The following TCF4 variants were observed in gnomAD, a reference collection of about 807,000 sequenced individuals.
The protein encoded by TCF4 is transcription factor 4.
Under a neutral mutation model 82.1 loss-of-function variants are expected in TCF4, and 3 were observed. That is an observed-to-expected ratio of 0.04 (90% CI 0.02 to 0.09). TCF4 has a LOEUF of 0.09. Ranked by LOEUF, TCF4 falls within the 10% of genes least tolerant of loss-of-function variation. TCF4 has a pLI of 1.00. For missense variants in TCF4, 518 were observed against 852.7 expected, an observed-to-expected ratio of 0.61 and a Z score of 4.89; for synonymous variants, 276 against 309.6, an observed-to-expected ratio of 0.89 and a Z score of 1.14.
intron 8 of TCF4, among the ~76,000 whole-genome samples, chr18:55,328,574 C>T (rs1272834632): frequency 2.0e-5 from 3 of 152,142 alleles, no homozygotes; most frequent in Non-Finnish European, 4.4e-5. Context: ...AGCGAGCTTA[C>T]CACAATCACC....
intron 5 of TCF4, among the ~76,000 whole-genome samples, chr18:55,446,069 T>A (rs1367712246): frequency 6.6e-6 from 1 of 152,108 alleles, no homozygotes; most frequent in Non-Finnish European, 1.5e-5. Context: ...CTGGTAATGT[T>A]TTTCCCCCTT....
intron 8 of TCF4, among the ~76,000 whole-genome samples, chr18:55,310,305 T>G (rs558494590): frequency 6.6e-6 from 1 of 152,320 alleles, no homozygotes; most frequent in East Asian, 1.9e-4. Context: ...ACCAAAGATA[T>G]ACTGCAAATC....
At chr18:55,548,487 T>C (rs893630168) in intron 3 of TCF4, among the ~76,000 whole-genome samples, 1 of 152,006 alleles carries the variant, frequency 6.6e-6, no homozygotes, top group Non-Finnish European at 1.5e-5. Flanking sequence ...AGGATATCTT[T>C]TTTTTTTAAC....
In TCF4 at chr18:55,631,296, A is replaced by G. The variant is rs1336516527; in HGVS notation, c.286+2T>C. On this transcript the variant is annotated splice_donor_variant, in intron 2 of 20. Transcript: ENST00000398339. LOFTEE classifies it high-confidence loss of function. Reference sequence around the variant, plus strand: ...ACACCTGACCTCAGGTGATCCACCTACCTTGGCCTCCCAAAGTGCTGGGAT... The same window carrying G: ...ACACCTGACCTCAGGTGATCCACCTGCCTTGGCCTCCCAAAGTGCTGGGAT... The G allele has an allele frequency of 7.1e-7, 1 of 1,399,418 alleles. No homozygotes were observed. The highest frequency in any genetic ancestry group is 1.3e-5 in the South Asian group (1 of 79,540). 86.7% of individuals were successfully genotyped at this position (1,399,418 alleles called of 1,614,324 possible). A position where few individuals can be genotyped will look rare whatever the true frequency, so the allele number is the denominator to read the frequency against.
chr18:55,440,372 T>C (rs554048534), intron 5 of TCF4, among the ~76,000 whole-genome samples: 1 of 152,346 alleles, frequency 6.6e-6, no homozygotes, highest in African/African-American at 2.4e-5. Flanking sequence ...TTATTCATTT[T>C]CTTCTTCTCA....
chr18:55,315,768 A>T (rs1403515788), intron 8 of TCF4, among the ~76,000 whole-genome samples: 1 of 152,176 alleles, frequency 6.6e-6, no homozygotes, highest in East Asian at 1.9e-4. Flanking sequence ...TTCCAAGTAT[A>T]ACTTTCAGTA....
intron 3 of TCF4, among the ~76,000 whole-genome samples, chr18:55,566,535 G>A (rs2097408704): frequency 1.3e-5 from 2 of 152,066 alleles, no homozygotes; most frequent in South Asian, 4.1e-4. Context: ...AAAATTAGTA[G>A]GCATAATTTA....
At chr18:55,291,946 A>ACTT (rs2065193820) in intron 8 of TCF4, among the ~76,000 whole-genome samples, 1 of 152,214 alleles carries the variant, frequency 6.6e-6, no homozygotes, top group Non-Finnish European at 1.5e-5. Context: ...TGAGCTAAAG[A>ACTT]AATGTAAAGG....
rs769548321 is a variant in TCF4 at position 55,516,467 on chromosome 18, C to G, written c.146-52330G>C. ...GAACCCAACCAGAAGACTGAGAGAA[C>G]GAGAGAAAGGCAGTCTGATTATGCA... On this transcript the variant is annotated intron_variant, in intron 3 of 19. Coordinates refer to ENST00000354452, the MANE Select transcript of TCF4 (RefSeq NM_001083962.2). Among the ~76,000 whole-genome samples, 3 of 151,514 alleles carry G rather than the reference C, an allele frequency of 2.0e-5. No individual in the cohort carries two copies. The South Asian group carries it at 6.2e-4, about 31-fold the overall frequency.
intron 3 of TCF4, among the ~76,000 whole-genome samples, chr18:55,500,818 T>C (rs1467921396): frequency 1.3e-5 from 2 of 152,226 alleles, no homozygotes; most frequent in East Asian, 1.9e-4. Flanking sequence ...CTCCCCCATA[T>C]GCCACTGGCT....
intron 5 of TCF4, among the ~76,000 whole-genome samples, chr18:55,453,850 G>A (rs1320306473): frequency 6.7e-6 from 1 of 149,944 alleles, no homozygotes; most frequent in Non-Finnish European, 1.5e-5. Flanking sequence ...TATAAATATA[G>A]TAATAAGTAT....
At chr18:55,628,299 A>G (rs2097728543) in intron 2 of TCF4, among the ~76,000 whole-genome samples, 1 of 152,178 alleles carries the variant, frequency 6.6e-6, no homozygotes, top group Non-Finnish European at 1.5e-5. Flanking sequence ...TGAGAGAGGC[A>G]CTGCTTTCCT....
At chr18:55,513,005 A>G (rs2096843895) in intron 3 of TCF4, among the ~76,000 whole-genome samples, 2 of 152,116 alleles carry the variant, frequency 1.3e-5, no homozygotes, top group South Asian at 4.1e-4. Flanking sequence ...TAACAAACTC[A>G]TGGTATCTTA....
chr18:55,543,962 T>A (rs1435287583), intron 3 of TCF4, among the ~76,000 whole-genome samples: 3 of 152,084 alleles, frequency 2.0e-5, no homozygotes, highest in Non-Finnish European at 4.4e-5. Flanking sequence ...TGTTGGCATA[T>A]AACCACATTT....
intron 3 of TCF4, among the ~76,000 whole-genome samples, chr18:55,522,669 GA>G (rs1038557133): frequency 1.3e-4 from 19 of 151,786 alleles, no homozygotes; most frequent in Non-Finnish European, 2.7e-4. Context: ...ATAATACATG[GA>G]AAAAAAGAGA....
At chr18:55,393,264 TGAG>T (rs894123916) in intron 6 of TCF4, among the ~76,000 whole-genome samples, 3 of 152,118 alleles carry the variant, frequency 2.0e-5, no homozygotes, top group African/African-American at 7.2e-5. Context: ...CTCAGGAGGC[TGAG>T]GAGGGAGGAT....
chr18:55,407,063 A>G (rs1210388622), intron 5 of TCF4, among the ~76,000 whole-genome samples: 1 of 152,110 alleles, frequency 6.6e-6, no homozygotes, highest in Non-Finnish European at 1.5e-5. Context: ...TTGTATGCCC[A>G]TAAAGATGGG....
intron 8 of TCF4, among the ~76,000 whole-genome samples, chr18:55,316,861 T>C (rs1445916512): frequency 6.6e-6 from 1 of 152,098 alleles, no homozygotes; most frequent in Non-Finnish European, 1.5e-5. Flanking sequence ...AGAAGGATGC[T>C]TTACCAACAC....
intron 8 of TCF4, among the ~76,000 whole-genome samples, chr18:55,304,506 A>G (rs572188274): frequency 1.3e-5 from 2 of 152,186 alleles, no homozygotes; most frequent in African/African-American, 4.8e-5. Flanking sequence ...ATGAAAAACA[A>G]TATCATGCAT....
Sources: allele counts gnomAD v4.1 joint callset (sites outside exome capture counted in the v4.1 genomes callset), GRCh38; gene constraint gnomAD v4.1.1; transcripts MANE v1.5; gene names NCBI Gene and HGNC (gene_info 2026-07-23, HGNC 2026-07-21).